The following FAAH2 variants were observed in gnomAD, a reference collection of about 807,000 sequenced individuals.
FAAH2 encodes the protein fatty acid amide hydrolase 2.
FAAH2 carries 60 observed loss-of-function variants against 36.9 expected under a neutral mutation model. The ratio of observed to expected loss-of-function variants is 1.63; its 90% CI spans 1.32 to 2.02. The LOEUF (loss-of-function observed/expected upper bound fraction) is 2.02. Ranked by LOEUF, FAAH2 falls within the 30% of genes most tolerant of loss-of-function variation. The probability of loss-of-function intolerance (pLI) is 0.00; values close to 1 mark genes in which losing one functional copy is unlikely to be tolerated. For synonymous variants in FAAH2, 214 were observed against 143.8 expected (o/e 1.49, Z -3.49); for missense variants, 689 against 397.5 (o/e 1.73, Z -6.23).
intron 5 of FAAH2, among the ~76,000 whole-genome samples, chrX:57,354,437 T>C (rs1030832966): frequency 4.5e-5 from 5 of 110,525 alleles, no homozygotes; most frequent in African/African-American, 1.6e-4. Context: ...AGGGTGAGGC[T>C]GAGAGAGTGG....
intron 7 of FAAH2, among the ~76,000 whole-genome samples, chrX:57,383,622 T>G (rs2054920809): frequency 8.9e-6 from 1 of 111,752 alleles, no homozygotes; most frequent in African/African-American, 3.3e-5. Context: ...GCAAGGGATG[T>G]GAAGGACCTC....
At chrX:57,242,945 G>A in the FAAH2 span, among the ~76,000 whole-genome samples, 10 of 112,025 alleles carry the variant, frequency 8.9e-5, no homozygotes, top group Non-Finnish European at 5.6e-5. Flanking sequence ...TGAAGCCAGA[G>A]AGACAAGTGG....
chrX:57,396,268 G>T (rs1032614259), intron 7 of FAAH2, among the ~76,000 whole-genome samples: 5 of 110,502 alleles, frequency 4.5e-5, no homozygotes, highest in African/African-American at 9.9e-5. Flanking sequence ...TCCTTTCAAA[G>T]AACAAACTTT....
chrX:57,457,779 A>G (rs770063433), intron 10 of FAAH2, among the ~76,000 whole-genome samples: 1 of 110,047 alleles, frequency 9.1e-6, no homozygotes, highest in Non-Finnish European at 1.9e-5. Context: ...TGCAAAACAC[A>G]GCTAAAAGAA....
At chrX:57,244,762 C>T in the FAAH2 span, among the ~76,000 whole-genome samples, 189 of 111,822 alleles carry the variant, frequency 1.7e-3, no homozygotes, top group African/African-American at 5.8e-3. Flanking sequence ...CTGGAACCAG[C>T]CACTGCAAAA....
intron 8 of FAAH2, among the ~76,000 whole-genome samples, chrX:57,446,552 C>T (rs777666207): frequency 4.7e-4 from 53 of 111,897 alleles, no homozygotes; most frequent in African/African-American, 1.7e-3. Context: ...AAAGAGACCT[C>T]GTACTCATTA....
chrX:57,488,616 T>C (rs749991009), intron 10 of FAAH2, 141 bp from the exon 11 acceptor site: 282 of 554,724 alleles, frequency 5.1e-4, no homozygotes, highest in Non-Finnish European at 6.2e-4. Flanking sequence ...ACAGATAAAG[T>C]TCCTAAATAT....
intron 5 of FAAH2, among the ~76,000 whole-genome samples, chrX:57,362,961 T>A (rs1459714799): frequency 2.7e-5 from 3 of 112,037 alleles, no homozygotes; most frequent in Non-Finnish European, 5.6e-5. Flanking sequence ...CAATATGATG[T>A]TGCTTGGTTA....
chrX:57,413,583 T>C (rs1358418762), intron 7 of FAAH2, among the ~76,000 whole-genome samples: 3 of 111,920 alleles, frequency 2.7e-5, no homozygotes, highest in Admixed American at 9.5e-5. Flanking sequence ...TCTATATGTC[T>C]GTTTTGGTAC....
chrX:57,334,165 G>C (rs1050124491), intron 4 of FAAH2, among the ~76,000 whole-genome samples: 7 of 108,978 alleles, frequency 6.4e-5, no homozygotes, highest in African/African-American at 2.3e-4. Flanking sequence ...AGCTACTCAG[G>C]AGTCTGGGGC....
intron 8 of FAAH2, among the ~76,000 whole-genome samples, chrX:57,439,821 G>A (rs1209939165): frequency 9.0e-6 from 1 of 111,532 alleles, no homozygotes; most frequent in African/African-American, 3.3e-5. Context: ...TCTACATATG[G>A]CTAGCCACTT....
chrX:57,337,587 C>T, intron 4 of FAAH2, among the ~76,000 whole-genome samples: 1 of 112,151 alleles, frequency 8.9e-6, no homozygotes, highest in Non-Finnish European at 1.9e-5. Flanking sequence ...CCCTACGATG[C>T]AAGTTTGGCT....
At chrX:57,404,557 G>A (rs1482841218) in intron 7 of FAAH2, among the ~76,000 whole-genome samples, 2 of 111,753 alleles carry the variant, frequency 1.8e-5, no homozygotes, top group Non-Finnish European at 3.8e-5. Flanking sequence ...CATGTCAAGA[G>A]TTGTATGCCT....
chrX:57,429,800 G>A (rs1425598760), intron 7 of FAAH2, among the ~76,000 whole-genome samples: 1 of 111,163 alleles, frequency 9.0e-6, no homozygotes, highest in Non-Finnish European at 1.9e-5. Context: ...ATGGATTATC[G>A]GATAAAGAAA....
intron 7 of FAAH2, chrX:57,395,138 A>G (rs891193167): frequency 7.4e-6 from 4 of 537,780 alleles, no homozygotes. Context: ...TGTACAGTAG[A>G]GTCTTCATTC....
At chrX:57,214,342 A>G in the FAAH2 span, among the ~76,000 whole-genome samples, 2 of 112,035 alleles carry the variant, frequency 1.8e-5, no homozygotes, top group African/African-American at 6.5e-5. Flanking sequence ...TAATGTTGTT[A>G]TCTGTTTGCT....
chrX:57,193,946 T>G, the FAAH2 span, among the ~76,000 whole-genome samples: 2 of 111,947 alleles, frequency 1.8e-5, no homozygotes, highest in African/African-American at 6.5e-5. Context: ...GTTTTTTGAA[T>G]AAATATTAAT....
At chrX:57,201,394 G>T in the FAAH2 span, among the ~76,000 whole-genome samples, 1 of 108,990 alleles carries the variant, frequency 9.2e-6, no homozygotes, top group Non-Finnish European at 1.9e-5. Context: ...CTCCAGCCTG[G>T]GCAACAGAGC....
intron 2 of FAAH2, among the ~76,000 whole-genome samples, chrX:57,310,321 C>T (rs1206469970): frequency 9.0e-6 from 1 of 111,209 alleles, no homozygotes; most frequent in Non-Finnish European, 1.9e-5. Context: ...TATTTGGTGA[C>T]AAGGAGATTT....
Sources: gnomAD v4.1 joint callset for allele counts (sites outside exome capture counted in the v4.1 genomes callset) on GRCh38, gnomAD v4.1.1 for gene constraint, MANE v1.5 for transcripts, NCBI Gene and HGNC (gene_info 2026-07-23, HGNC 2026-07-21) for gene names.